Variants in TBX4 observed in about 807,000 individuals in gnomAD.
TBX4 encodes T-box transcription factor TBX4.
In TBX4, 13 loss-of-function variants were observed where a neutral mutation model predicts 54.6. The observed-to-expected ratio is 0.24, with a 90% confidence interval of 0.15 to 0.38. The LOEUF is 0.38. Ranked by LOEUF, TBX4 falls within the 10% of genes least tolerant of loss-of-function variation. The probability of loss-of-function intolerance (pLI) is 1.00; values close to 1 mark genes in which losing one functional copy is unlikely to be tolerated. For missense variants in TBX4, 631 were observed against 728.5 expected, an observed-to-expected ratio of 0.87 and a Z score of 1.54; for synonymous variants, 314 against 306.7, an observed-to-expected ratio of 1.02 and a Z score of -0.25.
chr17:61,470,066 C>A (rs2060566009), intron 5 of TBX4, among the ~76,000 whole-genome samples: 1 of 152,198 alleles, frequency 6.6e-6, no homozygotes, highest in Admixed American at 6.5e-5. Context: ...CCCTCACCCC[C>A]AACTCCTGCC....
chr17:61,467,795 G>C, intron 5 of TBX4, 138 bp downstream of exon 5: 6 of 1,112,290 alleles, frequency 5.4e-6, no homozygotes. Context: ...GTTTAGGGAA[G>C]GAGCTCAAGC....
rs2143878448 is a variant in TBX4 at position 61,485,094 on chromosome 17, C to T, written c.*1578C>T. On this transcript the variant is annotated 3_prime_UTR_variant, in exon 9 of 9. Coordinates refer to ENST00000644296, the MANE Select transcript of TBX4 (RefSeq NM_001321120.2). This position sits in a 1 kb window ranked among gnomAD's most constrained non-coding sequence, Gnocchi z 4.6. The stretch of plus-strand genomic sequence containing the variant: ...TATTTTGCATATCGGAACATAAAGC[C>T]ATTTTACAACTGTGAAGTGTGTGGA... 6.6e-6 allele frequency: 1 copy of T among 152,144 alleles called. No homozygotes were observed. Among genetic ancestry groups the T allele is most frequent in the Admixed American group, 6.5e-5 (1 of 15,292 alleles). The allele number at this position is 152,144 out of a possible 1,614,324, so 9.4% of individuals were successfully genotyped here.
rs1350295060 is a variant in TBX4, at chr17:61,479,600, G to T, written c.703-281G>T. 6.6e-6 allele frequency among the ~76,000 whole-genome samples: 1 copy of T among 152,140 alleles called. No individual in the cohort carries two copies. Among genetic ancestry groups the T allele is most frequent in the East Asian group, 1.9e-4 (1 of 5,178 alleles). On this transcript the variant is annotated intron_variant, in intron 6 of 8. Transcript: ENST00000644296. This position sits in a 1 kb window ranked among gnomAD's most constrained non-coding sequence, Gnocchi z 6.1. ...GCAGGAGAAAGAATCAGAGGGTGGA[G>T]AGCAAGGAGTAGGGAGCCAGGGACA...
Position 61,475,889 on chromosome 17 carries a change from T to C in TBX4, c.550-2738T>C, listed in dbSNP as rs2060616987. On this transcript the variant is annotated intron_variant, in intron 5 of 8. Coordinates refer to ENST00000644296, the MANE Select transcript of TBX4 (RefSeq NM_001321120.2). The surrounding 1 kb of genome is among the most constrained non-coding windows in gnomAD (Gnocchi z 5.0). ...CCAAGGAGCTGGCACATCGGGGAAC[T>C]CATGGGAGATCATCTCTGCACATGT... is the stretch of plus-strand genomic sequence containing the variant. Among the ~76,000 whole-genome samples, 2 of 152,172 alleles carry C rather than the reference T, an allele frequency of 1.3e-5. No individual in the cohort carries two copies. Among genetic ancestry groups the C allele is most frequent in the Admixed American group, 1.3e-4 (2 of 15,278 alleles).
In TBX4 at chr17:61,461,374, G is replaced by A. The variant is rs923666964; in HGVS notation, c.281+3743G>A. Among the ~76,000 whole-genome samples, 17 of 152,148 alleles carry A rather than the reference G, an allele frequency of 1.1e-4. No individual in the cohort carries two copies. The highest frequency in any genetic ancestry group is 2.2e-4 in the Non-Finnish European group (15 of 68,022). On this transcript the variant is annotated intron_variant, in intron 3 of 8. Coordinates refer to ENST00000644296, the MANE Select transcript of TBX4 (RefSeq NM_001321120.2). This position sits in a 1 kb window ranked among gnomAD's most constrained non-coding sequence, Gnocchi z 5.1. ...AGAAGGCTTGGTCTCAGTGTAGGTGGCACCAGCAGCCCCACTCCTAACCCC... is the reference window on the plus strand; with the variant it reads ...AGAAGGCTTGGTCTCAGTGTAGGTGACACCAGCAGCCCCACTCCTAACCCC...
At chr17:61,470,334 C>T (rs1371985865) in intron 5 of TBX4, among the ~76,000 whole-genome samples, 3 of 152,118 alleles carry the variant, frequency 2.0e-5, no homozygotes, top group African/African-American at 2.4e-5. Flanking sequence ...TGGGATAATC[C>T]GGGTTTTCCT....
intron 1 of TBX4, among the ~76,000 whole-genome samples, chr17:61,454,306 A>G (rs759117194): frequency 2.0e-5 from 3 of 152,288 alleles, no homozygotes; most frequent in Non-Finnish European, 2.9e-5. Flanking sequence ...CCTAAAAATG[A>G]AAAGAGAAAT....
rs1264396428 is a variant in TBX4, at chr17:61,472,161, A to G, written c.549+4504A>G. Among the ~76,000 whole-genome samples, 1 of 152,154 alleles carries G rather than the reference A, an allele frequency of 6.6e-6. No individual in the cohort carries two copies. Among genetic ancestry groups the G allele is most frequent in the Non-Finnish European group, 1.5e-5 (1 of 68,034 alleles). On this transcript the variant is annotated intron_variant, in intron 5 of 8. Coordinates refer to ENST00000644296, the MANE Select transcript of TBX4 (RefSeq NM_001321120.2). The surrounding 1 kb of genome is among the most constrained non-coding windows in gnomAD (Gnocchi z 4.5). ...TTCTGATTAAGCTTGTACATATGCC[A>G]TTTTATGCTGTGCCAAGTATATCTG... is the stretch of plus-strand genomic sequence containing the variant.
In TBX4 at chr17:61,475,853, A is replaced by G. The variant is rs1284769991; in HGVS notation, c.550-2774A>G. ...TTTGGAGAGCTAGAGTGACTGGGGG[A>G]GGCCTTCATGCCAAGGAGCTGGCAC... On this transcript the variant is annotated intron_variant, in intron 5 of 8. Transcript: ENST00000644296. This position sits in a 1 kb window ranked among gnomAD's most constrained non-coding sequence, Gnocchi z 5.0. Among the ~76,000 whole-genome samples, 1 of 152,062 alleles carries G rather than the reference A, an allele frequency of 6.6e-6. No homozygotes were observed. The highest frequency in any genetic ancestry group is 1.5e-5 in the Non-Finnish European group (1 of 68,018).
Position 61,457,746 on chromosome 17 carries a change from C to A in TBX4, c.281+115C>A. On this transcript the variant is annotated intron_variant, in intron 3 of 8. Coordinates refer to ENST00000644296, the MANE Select transcript of TBX4 (RefSeq NM_001321120.2). The surrounding 1 kb of genome is among the most constrained non-coding windows in gnomAD (Gnocchi z 8.2). The stretch of plus-strand genomic sequence containing the variant: ...GGTGGCCTGTGGGAGGCCTCTCTGC[C>A]TCCTCGGGCGTCAGTGCCACCTCCC... 3.0e-6 allele frequency: 3 copies of A among 993,754 alleles called. No individual in the cohort carries two copies. The highest frequency in any genetic ancestry group is 1.5e-5 in the South Asian group (1 of 68,536). 61.6% of individuals were successfully genotyped at this position (993,754 alleles called of 1,614,324 possible). A position where few individuals can be genotyped will look rare whatever the true frequency, so the allele number is the denominator to read the frequency against.
At position 61,464,117 on chromosome 17, in the gene TBX4, C is replaced by A. The variant is rs2060518063; in HGVS notation, c.282-1702C>A. On this transcript the variant is annotated intron_variant, in intron 3 of 8. Transcript: ENST00000644296. The surrounding 1 kb of genome is among the most constrained non-coding windows in gnomAD (Gnocchi z 5.8). ...AAATTCTTCCACAAGGTTTATAAGT[C>A]CCTAGACTTGCAGCTAGAACTTCCC... The A allele has an allele frequency of 6.6e-6, 1 of 152,340 alleles. No individual in the cohort carries two copies. The highest frequency in any genetic ancestry group is 2.4e-5 in the African/African-American group (1 of 41,452). 9.4% of individuals were successfully genotyped at this position (152,340 alleles called of 1,614,324 possible).
intron 1 of TBX4, 50 bp from the exon 2 acceptor site, chr17:61,456,438 C>G: frequency 6.5e-7 from 1 of 1,543,538 alleles, no homozygotes; most frequent in Non-Finnish European, 8.8e-7. Context: ...CAGGGGTCCT[C>G]TGGCGAGTGT....
chr17:61,467,396 G>C, intron 4 of TBX4, 114 bp from the exon 5 acceptor site: 1 of 1,223,328 alleles, frequency 8.2e-7, no homozygotes, highest in Non-Finnish European at 1.2e-6. Flanking sequence ...AATGTGGTGG[G>C]ACCAGCAGCT....
At position 61,460,500 on chromosome 17, in the gene TBX4, C is replaced by T. The variant is rs1569034019; in HGVS notation, c.281+2869C>T. Reference sequence around the variant, plus strand: ...TTTGGCCTGGTGGATAAAATGCCAACCACAGTGGGAGCCACCAGTTTCTGA... The same window carrying T: ...TTTGGCCTGGTGGATAAAATGCCAATCACAGTGGGAGCCACCAGTTTCTGA... On this transcript the variant is annotated intron_variant, in intron 3 of 8. Transcript: ENST00000644296. The surrounding 1 kb of genome is among the most constrained non-coding windows in gnomAD (Gnocchi z 4.4). Among the ~76,000 whole-genome samples, 1 of 152,156 alleles carries T rather than the reference C, an allele frequency of 6.6e-6. No individual in the cohort carries two copies. Among genetic ancestry groups the T allele is most frequent in the Non-Finnish European group, 1.5e-5 (1 of 68,034 alleles).
In TBX4 at chr17:61,461,600, T is replaced by C. The variant is rs2060494856; in HGVS notation, c.281+3969T>C. 6.6e-6 allele frequency among the ~76,000 whole-genome samples: 1 copy of C among 152,200 alleles called. No individual in the cohort carries two copies. Among genetic ancestry groups the C allele is most frequent in the African/African-American group, 2.4e-5 (1 of 41,454 alleles). ...ATATATAATTTTTAACCTAAATGTATTGAAGTGGAACATTCCTACAGAAGA... is the reference window on the plus strand; with the variant it reads ...ATATATAATTTTTAACCTAAATGTACTGAAGTGGAACATTCCTACAGAAGA... On this transcript the variant is annotated intron_variant, in intron 3 of 8. Transcript: ENST00000644296. The surrounding 1 kb of genome is among the most constrained non-coding windows in gnomAD (Gnocchi z 5.1).
In TBX4 at chr17:61,483,192, G is replaced by A. The variant is rs373379452; in HGVS notation, c.1317G>A (p.Pro439=). Residue 439 remains proline (P), a synonymous_variant, in exon 9 of 9, where the codon CCG becomes CCA. Transcript: ENST00000644296. This position sits in a 1 kb window ranked among gnomAD's most constrained non-coding sequence, Gnocchi z 6.6. ...SYSVQTMETV[P]YQPFPTHFTA... ...GCGTGCAGACGATGGAGACTGTGCC[G>A]TACCAGCCCTTCCCCACGCACTTCA... The A allele has an allele frequency of 5.3e-5, 86 of 1,614,108 alleles. No homozygotes were observed. Among genetic ancestry groups the A allele is most frequent in the African/African-American group, 4.0e-4 (30 of 75,028 alleles).
rs2060648068 is a variant in TBX4, at chr17:61,479,552, C to G, written c.703-329C>G. ...AGGAGAGACCCATGGGGACAGAAGC[C>G]CGGCAGTGCGGAGGGCTGGGGAGCA... On this transcript the variant is annotated intron_variant, in intron 6 of 8. Transcript: ENST00000644296. The surrounding 1 kb of genome is among the most constrained non-coding windows in gnomAD (Gnocchi z 6.1). Among the ~76,000 whole-genome samples, 1 of 152,136 alleles carries G rather than the reference C, an allele frequency of 6.6e-6. No individual in the cohort carries two copies. The highest frequency in any genetic ancestry group is 2.4e-5 in the African/African-American group (1 of 41,428).
Position 61,472,789 on chromosome 17 carries a change from A to AT in TBX4, c.549+5146dup, listed in dbSNP as rs5821328. 0.14 allele frequency among the ~76,000 whole-genome samples: 20,714 copies of AT among 144,714 alleles called. 2,646 individuals carry two copies. Among genetic ancestry groups the AT allele is most frequent in the African/African-American group, 0.35 (13,851 of 39,744 alleles). 94.9% of individuals were successfully genotyped at this position (144,714 alleles called of 152,430 possible). On this transcript the variant is annotated intron_variant, in intron 5 of 8. Transcript: ENST00000644296. The surrounding 1 kb of genome is among the most constrained non-coding windows in gnomAD (Gnocchi z 4.5). ...GGCATTGATTTGAGGTGTGAATCCA[A>AT]TTTTTTTTTTTTTTCTACAGAGCTA...
At position 61,453,045 on chromosome 17, in the gene TBX4, A is replaced by G. The variant is rs78022790; in HGVS notation, c.-4+468A>G. 1,231 of 934,884 alleles carry G rather than the reference A, an allele frequency of 1.3e-3. 11 individuals carry two copies. In the African/African-American group the frequency reaches 0.02, roughly 15 times the overall value. 57.9% of individuals were successfully genotyped at this position (934,884 alleles called of 1,614,324 possible). A position where few individuals can be genotyped will look rare whatever the true frequency, so the allele number is the denominator to read the frequency against. ...TGATGCAATAGACTAGTCAAAATTA[A>G]AGCAAGGAACATTATATATAAATAA... On this transcript the variant is annotated intron_variant, in intron 1 of 8. Transcript: ENST00000644296.
Sources: gnomAD v4.1 joint callset for allele counts (sites outside exome capture counted in the v4.1 genomes callset) on GRCh38, gnomAD v4.1.1 for gene constraint, Gnocchi (gnomAD v3.1) non-coding constraint, MANE v1.5 for transcripts, NCBI Gene and HGNC (gene_info 2026-07-23, HGNC 2026-07-21) for gene names.